ATM: variants seen among roughly 807,000 people sequenced by gnomAD.
ATM encodes serine-protein kinase ATM.
ATM carries 308 observed loss-of-function variants against 387.0 expected under a neutral mutation model. The observed-to-expected ratio is 0.80, with a 90% CI of 0.73 to 0.87. The LOEUF (loss-of-function observed/expected upper bound fraction) is 0.87, where lower values mean the gene tolerates loss of function less well. Ranked by LOEUF, ATM falls within the 40% of genes least tolerant of loss-of-function variation. The pLI is 0.00. For synonymous variants in ATM, 1,156 were observed against 1,187.3 expected (o/e 0.97, Z 0.54); for missense variants, 3,312 against 3,560.9 (o/e 0.93, Z 1.78).
In ATM at chr11:108,301,687, C is replaced by T. The variant is rs876658271; in HGVS notation, c.5217C>T (p.Asn1739=). Residue 1739 remains asparagine, a synonymous_variant, in exon 35 of 63, where the codon AAC becomes AAT. Transcript: ENST00000675843. ...VRSAAVTCLK[N]ILATKTGHSF... is the part of the protein sequence containing the mutation. ...CAGCAGCTGTTACCTGTTTGAAAAA[C>T]ATTTTAGCCACAAAGACTGGACATA... is the stretch of plus-strand genomic sequence containing the variant. 3.7e-6 allele frequency: 6 copies of T among 1,613,560 alleles called. No individual in the cohort carries two copies. In the South Asian group the frequency reaches 5.5e-5, roughly 15 times the overall value.
chr11:108,337,020 G>A (rs2086930964), intron 56 of ATM, among the ~76,000 whole-genome samples: 1 of 152,036 alleles, frequency 6.6e-6, no homozygotes, highest in Non-Finnish European at 1.5e-5. Flanking sequence ...TATATTTCTA[G>A]TTTTCCACTA....
intron 46 of ATM, among the ~76,000 whole-genome samples, 170 bp from the exon 47 acceptor site, chr11:108,325,880 ACAGATAGG>A (rs1351171661): frequency 6.6e-6 from 1 of 152,170 alleles, no homozygotes; most frequent in African/African-American, 2.4e-5. Flanking sequence ...AGACAGACAG[ACAGATAGG>A]CAGACGTGGG....
rs748335454 is a variant in ATM, at chr11:108,281,120, G to T, written c.3528G>T (p.Leu1176=). 2.5e-6 allele frequency: 4 copies of T among 1,614,002 alleles called. No individual in the cohort carries two copies. The highest frequency in any genetic ancestry group is 3.4e-6 in the Non-Finnish European group (4 of 1,179,972). The change falls in exon 24 of 63, where the codon CTG becomes CTT. Residue 1176 remains leucine, a synonymous_variant. Transcript: ENST00000675843. ...GCGAAAAACAGGCTTTGTTTGCCCT[G>T]TGTAAATCTGTGAAAGAGAATGGAT... ...PICEKQALFA[L]CKSVKENGLE...
chr11:108,344,738 G>A (rs756374552), intron 57 of ATM, among the ~76,000 whole-genome samples: 63 of 151,976 alleles, frequency 4.1e-4, no homozygotes, highest in Middle Eastern at 3.2e-3. Context: ...GTGTGGTAGC[G>A]CATGCCTGTA....
In ATM at chr11:108,329,105, C is replaced by A. The variant is rs149827260; in HGVS notation, c.7174C>A (p.Arg2392=). ...GKMKAFLSLA[R]FSDTQYQRIE... ...AATGAAGGCATTTCTCTCATTAGCC[C>A]GGTTTTCAGATACTCAATACCAAAG... The change falls in exon 49 of 63, where the codon CGG becomes AGG. Residue 2392 remains arginine (R), a synonymous_variant. Transcript: ENST00000675843. 1 of 1,614,020 alleles carries A rather than the reference C, an allele frequency of 6.2e-7. No individual in the cohort carries two copies. Among genetic ancestry groups the A allele is most frequent in the Non-Finnish European group, 8.5e-7 (1 of 1,179,978 alleles).
intron 50 of ATM, among the ~76,000 whole-genome samples, chr11:108,331,022 T>C (rs1229041359): frequency 6.6e-6 from 1 of 152,140 alleles, no homozygotes. Flanking sequence ...ATAATAAGAC[T>C]CATAATAGAT....
Position 108,293,377 on chromosome 11 carries a change from T to C in ATM, c.4676T>C (p.Ile1559Thr), listed in dbSNP as rs2135811551. 6.2e-7 allele frequency: 1 copy of C among 1,603,132 alleles called. No homozygotes were observed. Among genetic ancestry groups the C allele is most frequent in the Non-Finnish European group, 8.5e-7 (1 of 1,170,410 alleles). ...GATAATGAAAACCTCTATATCACGA[T>C]TAAGCTTTTAGATCCTTTTCCTGAC... ...NKDNENLYIT[I>T]KLLDPFPDHV... is the part of the protein sequence containing the mutation. The change falls in exon 31 of 63, where the codon ATT (isoleucine) becomes ACT (threonine). Residue 1559 changes from isoleucine to threonine, a missense_variant. Ile to Thr is a moderately conservative substitution (Grantham distance 89). This residue lies in a region of ATM where 1,791 missense variants were observed against 1,804.5 expected (regional missense o/e 0.99). Coordinates refer to ENST00000675843, the MANE Select transcript of ATM (RefSeq NM_000051.4).
At chr11:108,293,819 A>G (rs1412798410) in intron 31 of ATM, among the ~76,000 whole-genome samples, 1 of 149,646 alleles carries the variant, frequency 6.7e-6, no homozygotes, top group Admixed American at 6.7e-5. Flanking sequence ...TCAAGGCTGC[A>G]ATAAGCCAAG....
intron 6 of ATM, among the ~76,000 whole-genome samples, chr11:108,244,426 A>C (rs1050869415): frequency 3.3e-5 from 5 of 152,232 alleles, no homozygotes; most frequent in Non-Finnish European, 4.4e-5. Flanking sequence ...CCGAGAATAA[A>C]ATAAAATAGG....
intron 26 of ATM, among the ~76,000 whole-genome samples, chr11:108,286,296 G>C (rs1439096972): frequency 1.0e-5 from 1 of 95,534 alleles, no homozygotes; most frequent in Admixed American, 1.7e-4. Context: ...CTGGGCAACA[G>C]AGCAAGATTT....
intron 34 of ATM, 73 bp from the exon 35 acceptor site, chr11:108,301,575 T>C: frequency 6.3e-7 from 1 of 1,587,962 alleles, no homozygotes; most frequent in South Asian, 1.1e-5. Flanking sequence ...TTTGAAATTT[T>C]TTCAGTGGAG....
At chr11:108,238,741 C>G (rs887748129) in intron 5 of ATM, among the ~76,000 whole-genome samples, 1 of 151,532 alleles carries the variant, frequency 6.6e-6, no homozygotes, top group Non-Finnish European at 1.5e-5. Flanking sequence ...TTCTTTCTTT[C>G]TGAGCCATGT....
intron 22 of ATM, among the ~76,000 whole-genome samples, chr11:108,275,659 T>G (rs2081903616): frequency 6.6e-6 from 1 of 152,166 alleles, no homozygotes; most frequent in African/African-American, 2.4e-5. Context: ...GGGTTGAAAA[T>G]TATTTTCTTT....
Position 108,294,680 on chromosome 11 carries a change from C to G in ATM, c.4777-247C>G, listed in dbSNP as rs582297. Among the ~76,000 whole-genome samples, 79,080 of 151,566 alleles carry G rather than the reference C, an allele frequency of 0.52. 21,440 individuals are homozygous for G. The highest frequency in any genetic ancestry group is 0.73 in the Middle Eastern group (211 of 290). On this transcript the variant is annotated intron_variant, in intron 31 of 62. Coordinates refer to ENST00000675843, the MANE Select transcript of ATM (RefSeq NM_000051.4). ...ACTTGAACCGGGGAGGCGGAGGTAGCAGTGAGCCTTGATAGCGCCACTGCA... is the reference window on the plus strand; with the variant it reads ...ACTTGAACCGGGGAGGCGGAGGTAGGAGTGAGCCTTGATAGCGCCACTGCA...
rs556613533 is a variant in ATM at position 108,312,142 on chromosome 11, C to T, written c.5919-269C>T. 2.6e-5 allele frequency among the ~76,000 whole-genome samples: 4 copies of T among 152,308 alleles called. No individual in the cohort carries two copies. In the East Asian group the frequency reaches 7.7e-4, roughly 29 times the overall value. ...GTACCTGAATTGGATGGCATCTGCT[C>T]TATTTTTAAACAATCCAATCTCTTT... On this transcript the variant is annotated intron_variant, in intron 39 of 62. Transcript: ENST00000675843.
chr11:108,223,101 T>G lies in ATM; in HGVS notation c.-116T>G. Reference sequence around the variant, plus strand: ...CGTGGCTAACGGAGAAAAGAAGCCGTGGCCGCGGGAGGAGGCGAGAGGAGT... The same window carrying G: ...CGTGGCTAACGGAGAAAAGAAGCCGGGGCCGCGGGAGGAGGCGAGAGGAGT... On this transcript the variant is annotated 5_prime_UTR_variant, in exon 1 of 63. Transcript: ENST00000675843. The G allele has an allele frequency of 5.5e-6, 1 of 181,272 alleles. No individual in the cohort carries two copies. The highest frequency in any genetic ancestry group is 1.2e-5 in the Non-Finnish European group (1 of 84,040). The allele number at this position is 181,272 out of a possible 1,614,324, so 11.2% of individuals were successfully genotyped here. A position where few individuals can be genotyped will look rare whatever the true frequency, so the allele number is the denominator to read the frequency against.
Position 108,332,826 on chromosome 11 carries a change from G to A in ATM, c.7853G>A (p.Arg2618Lys), listed in dbSNP as rs2136566506. 1.9e-6 allele frequency: 3 copies of A among 1,613,348 alleles called. No homozygotes were observed. Among genetic ancestry groups the A allele is most frequent in the Non-Finnish European group, 2.5e-6 (3 of 1,179,636 alleles). The stretch of plus-strand genomic sequence containing the variant: ...AGAAGTAGGAGACCTCAGATGGTCA[G>A]AAGTGTTGAGGCACTTTGTGATGCT... ...TIRSRRPQMV[R>K]SVEALCDAYI... Residue 2618 changes from arginine to lysine, a missense_variant, in exon 53 of 63, where the codon AGA becomes AAA. By Grantham distance (26) the Arg-to-Lys change is conservative. Transcript: ENST00000675843.
At chr11:108,330,636 A>G (rs1373324042) in intron 50 of ATM, among the ~76,000 whole-genome samples, 1 of 152,214 alleles carries the variant, frequency 6.6e-6, no homozygotes, top group Non-Finnish European at 1.5e-5. Context: ...TTTGTATTAT[A>G]TAAGCTGACA....
chr11:108,233,277 C>A (rs2079110196), intron 4 of ATM, among the ~76,000 whole-genome samples: 3 of 152,124 alleles, frequency 2.0e-5, no homozygotes, highest in Middle Eastern at 3.2e-3. Context: ...CTGAAAGTCT[C>A]TGTAAGTAGG....
Sources: gnomAD v4.1 joint callset for allele counts (sites outside exome capture counted in the v4.1 genomes callset) on GRCh38, gnomAD v4.1.1 for gene constraint, gnomAD v4.1.1 regional missense constraint, MANE v1.5 for transcripts, NCBI Gene and HGNC (gene_info 2026-07-23, HGNC 2026-07-21) for gene names.